The following GOLGA4 variants were observed in gnomAD, a reference collection of about 807,000 sequenced individuals.
GOLGA4 encodes golgin subfamily A member 4.
A neutral mutation model predicts 265.9 loss-of-function variants in GOLGA4; 169 were observed. That is an observed-to-expected ratio of 0.64 (90% confidence interval 0.56 to 0.72). GOLGA4 has a LOEUF of 0.72. Among genes scored for constraint, GOLGA4 ranks in the 30% least tolerant of loss-of-function variants. The probability of loss-of-function intolerance (pLI) is 0.00; values close to 1 mark genes in which losing one functional copy is unlikely to be tolerated. For synonymous variants in GOLGA4, 923 were observed against 855.8 expected (o/e 1.08, Z -1.37); for missense variants, 2,482 against 2,483.4 (o/e 1.00, Z 0.01).
At chr3:37,328,268 ACT>A (rs1491516592) in intron 14 of GOLGA4, 146 bp from the exon 15 acceptor site, 28 of 676,486 alleles carry the variant, frequency 4.1e-5, no homozygotes, top group Admixed American at 3.1e-4. Flanking sequence ...ACACACACAC[ACT>A]CACTCTCACA....
intron 2 of GOLGA4, among the ~76,000 whole-genome samples, chr3:37,257,365 G>A (rs1290345845): frequency 6.6e-6 from 1 of 152,028 alleles, no homozygotes; most frequent in African/African-American, 2.4e-5. Context: ...GGTTTTTGGT[G>A]TTACCTGGAT....
intron 3 of GOLGA4, among the ~76,000 whole-genome samples, chr3:37,284,567 C>T (rs1270935692): frequency 6.6e-6 from 1 of 151,600 alleles, no homozygotes; most frequent in Non-Finnish European, 1.5e-5. Flanking sequence ...CACCATTTTT[C>T]TATCTGGTGT....
intron 2 of GOLGA4, among the ~76,000 whole-genome samples, chr3:37,281,544 ATTTTAGACAC>A (rs1168084327): frequency 6.6e-6 from 1 of 152,190 alleles, no homozygotes; most frequent in African/African-American, 2.4e-5. Flanking sequence ...ATATACCTAC[ATTTTAGACAC>A]TGGGTATGCA....
chr3:37,305,010 C>T (rs2096902388), intron 10 of GOLGA4, among the ~76,000 whole-genome samples: 1 of 152,156 alleles, frequency 6.6e-6, no homozygotes, highest in Non-Finnish European at 1.5e-5. Context: ...CCTCCGCCTC[C>T]TGGGTCCAAG....
At chr3:37,352,637 C>T (rs1027634062) in intron 21 of GOLGA4, among the ~76,000 whole-genome samples, 2 of 151,988 alleles carry the variant, frequency 1.3e-5, no homozygotes, top group African/African-American at 4.8e-5. Flanking sequence ...TTGTCACTTC[C>T]CTCAGCCTTC....
At chr3:37,333,067 T>A (rs899022754) in intron 16 of GOLGA4, among the ~76,000 whole-genome samples, 6 of 152,218 alleles carry the variant, frequency 3.9e-5, no homozygotes, top group Admixed American at 6.5e-5. Context: ...GAGCACTTGA[T>A]AAATTTGAAG....
intron 10 of GOLGA4, among the ~76,000 whole-genome samples, chr3:37,303,663 G>A (rs780618117): frequency 6.6e-6 from 1 of 152,172 alleles, no homozygotes; most frequent in Non-Finnish European, 1.5e-5. Context: ...TAGGATCGAA[G>A]CCTGTGGTTA....
intron 13 of GOLGA4, 102 bp downstream of exon 13, chr3:37,321,988 A>G (rs747418760): frequency 7.9e-6 from 7 of 886,378 alleles, no homozygotes; most frequent in Non-Finnish European, 1.2e-5. Flanking sequence ...ACTGGATTAG[A>G]TTTATGTATA....
At chr3:37,364,081 AAT>A (rs1034305964) in intron 23 of GOLGA4, among the ~76,000 whole-genome samples, 3 of 152,184 alleles carry the variant, frequency 2.0e-5, no homozygotes, top group Non-Finnish European at 4.4e-5. Flanking sequence ...TGAGTAGTGA[AAT>A]ATTTGTTCAT....
chr3:37,289,079 T>A (rs1258838445), intron 4 of GOLGA4, among the ~76,000 whole-genome samples, 156 bp from the exon 5 acceptor site: 1 of 152,220 alleles, frequency 6.6e-6, no homozygotes, highest in Non-Finnish European at 1.5e-5. Context: ...TTCAATATGG[T>A]CACATCTTTA....
intron 3 of GOLGA4, among the ~76,000 whole-genome samples, chr3:37,284,292 TCTCA>T (rs2096842371): frequency 6.6e-6 from 1 of 151,760 alleles, no homozygotes; most frequent in African/African-American, 2.4e-5. Flanking sequence ...TGAGACGGAG[TCTCA>T]CTCTGTAGCC....
chr3:37,284,367 G>A (rs2096842629), intron 3 of GOLGA4, among the ~76,000 whole-genome samples: 1 of 151,990 alleles, frequency 6.6e-6, no homozygotes, highest in Admixed American at 6.6e-5. Flanking sequence ...TGGGTCCTGG[G>A]CCAAGCAGTT....
rs1578899632 is a variant in GOLGA4, at chr3:37,362,779, G to C, written c.*33+1474G>C. 6.3e-5 allele frequency among the ~76,000 whole-genome samples: 5 copies of C among 78,960 alleles called. 1 individual carries two copies. Among genetic ancestry groups the C allele is most frequent in the African/African-American group, 2.5e-4 (5 of 20,408 alleles). 51.8% of individuals were successfully genotyped at this position (78,960 alleles called of 152,430 possible). ...GCGATCTTCCTACCTCAGCCTCTAA[G>C]CTTTTTTTTTTTTTTTTTTTTGAGA... On this transcript the variant is annotated intron_variant, in intron 23 of 23. Coordinates refer to ENST00000361924, the MANE Select transcript of GOLGA4 (RefSeq NM_002078.5).
At chr3:37,286,138 CTTTTTTTTT>C (rs71094903) in intron 4 of GOLGA4, 77 bp downstream of exon 4, 7 of 224,788 alleles carry the variant, frequency 3.1e-5, no homozygotes, top group East Asian at 2.5e-4. Context: ...ATATTTCTTT[CTTTTTTTTT>C]TTTTTTTTTT....
intron 21 of GOLGA4, among the ~76,000 whole-genome samples, chr3:37,351,800 G>A (rs747030013): frequency 2.0e-5 from 3 of 152,068 alleles, no homozygotes; most frequent in Non-Finnish European, 2.9e-5. Context: ...TAACAGGTGT[G>A]CTATCATCCA....
At chr3:37,269,432 G>A (rs960130511) in intron 2 of GOLGA4, among the ~76,000 whole-genome samples, 1 of 152,036 alleles carries the variant, frequency 6.6e-6, no homozygotes, top group Non-Finnish European at 1.5e-5. Flanking sequence ...CTTAAAAGTT[G>A]AAGGGAGAAA....
At chr3:37,313,140 T>G (rs1216496416) in intron 10 of GOLGA4, among the ~76,000 whole-genome samples, 1 of 151,834 alleles carries the variant, frequency 6.6e-6, no homozygotes, top group Non-Finnish European at 1.5e-5. Flanking sequence ...GAGGCGGAGG[T>G]TGCAGGGAGG....
intron 3 of GOLGA4, 148 bp from the exon 4 acceptor site, chr3:37,285,866 G>C: frequency 2.1e-6 from 1 of 483,082 alleles, no homozygotes; most frequent in Admixed American, 3.7e-5. Flanking sequence ...TCCTATGTTA[G>C]TTTTGACCGT....
At chr3:37,340,381 T>C (rs997326290) in intron 20 of GOLGA4, among the ~76,000 whole-genome samples, 182 bp downstream of exon 20, 2 of 152,228 alleles carry the variant, frequency 1.3e-5, no homozygotes, top group Non-Finnish European at 2.9e-5. Context: ...TTTTGAGTTA[T>C]AGATTCATTG....
Sources: gnomAD v4.1 joint callset for allele counts (sites outside exome capture counted in the v4.1 genomes callset) on GRCh38, gnomAD v4.1.1 for gene constraint, MANE v1.5 for transcripts, NCBI Gene and HGNC (gene_info 2026-07-23, HGNC 2026-07-21) for gene names.